ZSCAN5A: variants seen among roughly 807,000 people sequenced by gnomAD.
ZSCAN5A encodes zinc finger and SCAN domain-containing protein 5A.
In ZSCAN5A, 12 loss-of-function variants were observed where a neutral mutation model predicts 23.7. That is an observed-to-expected ratio of 0.51 (90% CI 0.32 to 0.82). The LOEUF is 0.82. ZSCAN5A is among the 40% of genes least tolerant of loss of function. The probability of loss-of-function intolerance (pLI) is 0.03; values close to 1 mark genes in which losing one functional copy is unlikely to be tolerated. For synonymous variants in ZSCAN5A, 257 were observed against 239.9 expected (o/e 1.07, Z -0.66); for missense variants, 597 against 617.9 (o/e 0.97, Z 0.36).
intron 2 of ZSCAN5A, among the ~76,000 whole-genome samples, chr19:56,359,440 C>A (rs1362290955): frequency 1.3e-5 from 2 of 152,106 alleles, no homozygotes; most frequent in Admixed American, 6.5e-5. Flanking sequence ...TAATTAATAA[C>A]CTACAAACCA....
At chr19:56,342,798 G>C (rs1244524903) in intron 2 of ZSCAN5A, 1 of 758,530 alleles carries the variant, frequency 1.3e-6, no homozygotes, top group East Asian at 2.5e-5. Context: ...TACTGAACTG[G>C]GACCAATCAT....
intron 2 of ZSCAN5A, chr19:56,302,898 T>A: frequency 2.5e-6 from 1 of 398,586 alleles, no homozygotes; most frequent in Non-Finnish European, 4.4e-6. Flanking sequence ...ATGGTTGAGC[T>A]ACCTTCAAGA....
chr19:56,265,297 C>T (rs2037397750), intron 2 of ZSCAN5A, among the ~76,000 whole-genome samples: 2 of 150,440 alleles, frequency 1.3e-5, no homozygotes, highest in African/African-American at 4.9e-5. Context: ...CAATTCCAAA[C>T]CATCTTCACT....
chr19:56,248,933 G>C (rs1054991761), intron 2 of ZSCAN5A, among the ~76,000 whole-genome samples: 1 of 152,116 alleles, frequency 6.6e-6, no homozygotes, highest in Non-Finnish European at 1.5e-5. Context: ...CTCGCTCTGG[G>C]TGTTGTACAT....
intron 2 of ZSCAN5A, chr19:56,342,687 T>C (rs1288135212): frequency 3.3e-6 from 2 of 608,258 alleles, no homozygotes; most frequent in Non-Finnish European, 6.1e-6. Flanking sequence ...CGGGTGAACA[T>C]GAAGTAACTA....
At chr19:56,287,961 A>G (rs2039251061) in intron 2 of ZSCAN5A, among the ~76,000 whole-genome samples, 1 of 152,188 alleles carries the variant, frequency 6.6e-6, no homozygotes, top group Admixed American at 6.5e-5. Flanking sequence ...CATCCTGGGA[A>G]CCCCTTCAGT....
In ZSCAN5A at chr19:56,302,516, T is replaced by TC. The variant is rs1568725765; in HGVS notation, c.-128+10766dup. Among the ~76,000 whole-genome samples, 24 of 70,550 alleles carry TC rather than the reference T, an allele frequency of 3.4e-4. 1 individual carries two copies. Among genetic ancestry groups the TC allele is most frequent in the African/African-American group, 1.5e-3 (24 of 15,674 alleles). 46.3% of individuals were successfully genotyped at this position (70,550 alleles called of 152,430 possible). ...TCTTCCCTCTCTGCCCTTCTTTCCT[T>TC]CCTCCCTCCCTCCCTCTTCTTCCTC... is the stretch of plus-strand genomic sequence containing the variant. On this transcript the variant is annotated intron_variant, in intron 2 of 5. Transcript: ENST00000683990.
intron 2 of ZSCAN5A, among the ~76,000 whole-genome samples, chr19:56,253,547 T>C (rs1456436017): frequency 6.6e-6 from 1 of 151,938 alleles, no homozygotes; most frequent in African/African-American, 2.4e-5. Flanking sequence ...TGCACCCCAG[T>C]GAAGGGACGT....
At chr19:56,248,353 A>G (rs7247874) in intron 2 of ZSCAN5A, among the ~76,000 whole-genome samples, 32,178 of 151,810 alleles carry the variant, frequency 0.21, 5,923 homozygotes, top group African/African-American at 0.5. Flanking sequence ...CCTGACCTCC[A>G]CGGCTCAAGC....
intron 2 of ZSCAN5A, among the ~76,000 whole-genome samples, chr19:56,248,355 G>A (rs920097149): frequency 8.6e-5 from 13 of 151,968 alleles, no homozygotes; most frequent in South Asian, 2.1e-4. Context: ...TGACCTCCAC[G>A]GCTCAAGCAA....
intron 2 of ZSCAN5A, among the ~76,000 whole-genome samples, chr19:56,331,970 A>T (rs904606691): frequency 6.6e-6 from 1 of 151,898 alleles, no homozygotes; most frequent in Admixed American, 6.6e-5. Context: ...TTTAATTTCC[A>T]TGTTATTGTG....
chr19:56,309,182 G>A (rs1568736936), intron 2 of ZSCAN5A, among the ~76,000 whole-genome samples: 1 of 152,200 alleles, frequency 6.6e-6, no homozygotes, highest in Non-Finnish European at 1.5e-5. Context: ...ACTGTGCTGA[G>A]TGAAAGAAGC....
chr19:56,342,309 C>CAA (rs33977976), intron 2 of ZSCAN5A: 18,016 of 148,598 alleles, frequency 0.12, 1,897 homozygotes, highest in African/African-American at 0.29. Flanking sequence ...AGCTGTCTTA[C>CAA]AAAAAAAAAA....
intron 2 of ZSCAN5A, among the ~76,000 whole-genome samples, chr19:56,337,548 C>T (rs930532069): frequency 2.2e-4 from 33 of 152,210 alleles, no homozygotes; most frequent in Admixed American, 2.0e-3. Flanking sequence ...GGCGATGCCT[C>T]GCCCTGCTTC....
At chr19:56,328,222 G>GT (rs1209328693) in intron 2 of ZSCAN5A, among the ~76,000 whole-genome samples, 2 of 151,994 alleles carry the variant, frequency 1.3e-5, no homozygotes, top group African/African-American at 4.8e-5. Context: ...GTTGCAAGTT[G>GT]TTTTTTCAAC....
intron 2 of ZSCAN5A, among the ~76,000 whole-genome samples, chr19:56,341,713 A>C (rs1382101298): frequency 6.6e-6 from 1 of 150,540 alleles, no homozygotes; most frequent in Admixed American, 6.6e-5. Context: ...AAAAAAAAAA[A>C]AAAAAAAAAA....
intron 2 of ZSCAN5A, 39 bp from the exon 3 acceptor site, chr19:56,225,212 C>T (rs2033803739): frequency 7.1e-7 from 1 of 1,414,496 alleles, no homozygotes; most frequent in South Asian, 1.6e-5. Context: ...GTTTAAGTTA[C>T]TACTCCATCC....
Position 56,222,695 on chromosome 19 carries a change from G to C in ZSCAN5A, c.635C>G (p.Pro212Arg), listed in dbSNP as rs757855433. Residue 212 changes from proline to arginine, a missense_variant, in exon 5 of 6, where the codon CCA (proline) becomes CGA (arginine). Pro to Arg is a moderately radical substitution (Grantham distance 103). Coordinates refer to ENST00000683990, the MANE Select transcript of ZSCAN5A (RefSeq NM_001322064.3). Reference sequence around the variant, plus strand: ...GGTCTGCTTGGGTCTCAGAGACTTTGGGTCACCTGTTACGTCAATACTCTT... The same window carrying C: ...GGTCTGCTTGGGTCTCAGAGACTTTCGGTCACCTGTTACGTCAATACTCTT... The part of the protein sequence containing the change: ...LHKSIDVTGD[P>R]KSLRPKQTLE... 1 of 1,614,138 alleles carries C rather than the reference G, an allele frequency of 6.2e-7. No individual in the cohort carries two copies. Among genetic ancestry groups the C allele is most frequent in the Non-Finnish European group, 8.5e-7 (1 of 1,180,028 alleles).
chr19:56,244,191 T>A (rs11665987), intron 2 of ZSCAN5A: 314,541 of 1,605,952 alleles, frequency 0.2, 33,797 homozygotes, highest in African/African-American at 0.38. Flanking sequence ...TTCAGGATGT[T>A]CAGCTGCCCA....
Sources: gnomAD v4.1 joint callset for allele counts (sites outside exome capture counted in the v4.1 genomes callset) on GRCh38, gnomAD v4.1.1 for gene constraint, MANE v1.5 for transcripts, NCBI Gene and HGNC (gene_info 2026-07-23, HGNC 2026-07-21) for gene names.